The following CNTNAP2 variants were observed in gnomAD, a reference collection of about 807,000 sequenced individuals.
CNTNAP2 encodes contactin-associated protein-like 2.
A neutral mutation model predicts 155.2 loss-of-function variants in CNTNAP2; 98 were observed. The ratio of observed to expected loss-of-function variants is 0.63; its 90% CI spans 0.54 to 0.75. CNTNAP2 has a LOEUF of 0.75. CNTNAP2 is among the 30% of genes least tolerant of loss of function. The pLI is 0.00. For synonymous variants in CNTNAP2, 651 were observed against 631.2 expected, an observed-to-expected ratio of 1.03 and a Z score of -0.47; for missense variants, 1,727 against 1,688.1, an observed-to-expected ratio of 1.02 and a Z score of -0.40.
At chr7:147,431,628 C>T (rs1393137894) in intron 10 of CNTNAP2, among the ~76,000 whole-genome samples, 2 of 152,210 alleles carry the variant, frequency 1.3e-5, no homozygotes, top group Non-Finnish European at 2.9e-5. Flanking sequence ...ACAAAGGTCA[C>T]TAATGACCGC....
At chr7:146,968,537 G>C (rs1405021136) in intron 3 of CNTNAP2, among the ~76,000 whole-genome samples, 2 of 152,080 alleles carry the variant, frequency 1.3e-5, no homozygotes, top group Admixed American at 1.3e-4. Flanking sequence ...GATTAGTCTT[G>C]GGAGGGTGTA....
chr7:147,861,843 C>A (rs1485120796), intron 13 of CNTNAP2, among the ~76,000 whole-genome samples: 1 of 151,656 alleles, frequency 6.6e-6, no homozygotes, highest in Non-Finnish European at 1.5e-5. Context: ...TGGTAAAACC[C>A]CATGTCTAAT....
intron 10 of CNTNAP2, among the ~76,000 whole-genome samples, chr7:147,438,802 T>C (rs1257585184): frequency 5.3e-5 from 8 of 152,054 alleles, no homozygotes. Context: ...AATTTATTTG[T>C]GGTTCAATCT....
At chr7:146,418,305 C>G (rs1795965236) in intron 1 of CNTNAP2, among the ~76,000 whole-genome samples, 2 of 152,122 alleles carry the variant, frequency 1.3e-5, no homozygotes, top group Non-Finnish European at 2.9e-5. Context: ...CAGGGCACAT[C>G]CCAGCACCTA....
At chr7:148,088,745 A>G (rs1803784550) in intron 15 of CNTNAP2, among the ~76,000 whole-genome samples, 1 of 151,990 alleles carries the variant, frequency 6.6e-6, no homozygotes, top group Non-Finnish European at 1.5e-5. Context: ...AAAGGATAAA[A>G]TACCAATTTT....
At chr7:147,740,900 C>T (rs148248520) in intron 13 of CNTNAP2, among the ~76,000 whole-genome samples, 1,662 of 151,820 alleles carry the variant, frequency 0.011, 91 homozygotes, top group Admixed American at 0.087. Flanking sequence ...AAGCTCAGGG[C>T]GTAGATCTCA....
chr7:147,948,111 A>G (rs1011010205), intron 14 of CNTNAP2, among the ~76,000 whole-genome samples: 1 of 152,198 alleles, frequency 6.6e-6, no homozygotes, highest in Non-Finnish European at 1.5e-5. Context: ...GTCATGGCTT[A>G]TTCAGAACAC....
At chr7:147,518,207 C>T (rs1414203959) in intron 11 of CNTNAP2, among the ~76,000 whole-genome samples, 5 of 152,080 alleles carry the variant, frequency 3.3e-5, no homozygotes, top group East Asian at 1.9e-4. Context: ...AAGAAATGAA[C>T]ATACACTGAA....
chr7:148,365,750 A>G lies in CNTNAP2; in HGVS notation c.3476-17899A>G, dbSNP rs555735586. Reference sequence around the variant, plus strand: ...TATATATGTATGTGTATACATGTATACATGTATGTGTATACGTGTATACAT... The same window carrying G: ...TATATATGTATGTGTATACATGTATGCATGTATGTGTATACGTGTATACAT... On this transcript the variant is annotated intron_variant, in intron 21 of 23. Coordinates refer to ENST00000361727, the MANE Select transcript of CNTNAP2 (RefSeq NM_014141.6). 5.3e-3 allele frequency among the ~76,000 whole-genome samples: 258 copies of G among 49,034 alleles called. 56 individuals are homozygous for G. The highest frequency in any genetic ancestry group is 0.014 in the African/African-American group (250 of 18,102). The allele number at this position is 49,034 out of a possible 152,430, so 32.2% of individuals were successfully genotyped here.
chr7:148,095,411 A>G (rs1409056196), intron 15 of CNTNAP2, among the ~76,000 whole-genome samples: 1 of 152,230 alleles, frequency 6.6e-6, no homozygotes, highest in Non-Finnish European at 1.5e-5. Context: ...TACCCTTCAC[A>G]AAGTTCAAAA....
At chr7:147,018,777 T>C (rs2129245883) in intron 3 of CNTNAP2, among the ~76,000 whole-genome samples, 1 of 152,092 alleles carries the variant, frequency 6.6e-6, no homozygotes, top group East Asian at 1.9e-4. Context: ...AGCCGCTATG[T>C]TCTAAATGTT....
At chr7:147,128,656 A>G (rs201927719) in intron 6 of CNTNAP2, 37 bp from the exon 7 acceptor site, 2 of 1,612,848 alleles carry the variant, frequency 1.2e-6, no homozygotes, top group South Asian at 2.2e-5. Flanking sequence ...ATCATAATAC[A>G]ATGTGGACGT....
At chr7:147,343,842 G>T (rs917480507) in intron 9 of CNTNAP2, among the ~76,000 whole-genome samples, 3 of 151,846 alleles carry the variant, frequency 2.0e-5, no homozygotes, top group African/African-American at 7.3e-5. Flanking sequence ...CATAAATGGG[G>T]GCATCAAAAC....
chr7:146,227,782 C>T (rs951341366), intron 1 of CNTNAP2, among the ~76,000 whole-genome samples: 1 of 149,400 alleles, frequency 6.7e-6, no homozygotes, highest in African/African-American at 2.6e-5. Context: ...ACATTTTCAG[C>T]TGCATGTTAT....
At chr7:147,958,286 T>C (rs1801054287) in intron 14 of CNTNAP2, among the ~76,000 whole-genome samples, 1 of 152,188 alleles carries the variant, frequency 6.6e-6, no homozygotes, top group Non-Finnish European at 1.5e-5. Context: ...ACGTGAATAC[T>C]AGAGAAAAAA....
chr7:148,260,169 C>A (rs150968575), intron 20 of CNTNAP2, among the ~76,000 whole-genome samples: 7 of 152,180 alleles, frequency 4.6e-5, no homozygotes, highest in Non-Finnish European at 8.8e-5. Context: ...AAGCTTTTCT[C>A]GCTATATCTG....
At chr7:148,018,504 T>A (rs1246966036) in intron 15 of CNTNAP2, among the ~76,000 whole-genome samples, 1 of 152,140 alleles carries the variant, frequency 6.6e-6, no homozygotes, top group African/African-American at 2.4e-5. Flanking sequence ...ACTCACACAA[T>A]GAACCAGAAG....
intron 1 of CNTNAP2, among the ~76,000 whole-genome samples, chr7:146,199,616 G>A (rs555799987): frequency 2.5e-4 from 38 of 152,252 alleles, no homozygotes; most frequent in African/African-American, 8.7e-4. Flanking sequence ...GTATACAAAT[G>A]TTTCAGCTGT....
Position 147,312,949 on chromosome 7 carries a change from C to G in CNTNAP2, c.1498+12659C>G, listed in dbSNP as rs534312562. Among the ~76,000 whole-genome samples the G allele has an allele frequency of 6.1e-4, 84 of 137,528 alleles. 3 individuals carry two copies. The South Asian group carries it at 0.019, about 31-fold the overall frequency. 90.2% of individuals were successfully genotyped at this position (137,528 alleles called of 152,430 possible). A position where few individuals can be genotyped will look rare whatever the true frequency, so the allele number is the denominator to read the frequency against. On this transcript the variant is annotated intron_variant, in intron 9 of 23. Coordinates refer to ENST00000361727, the MANE Select transcript of CNTNAP2 (RefSeq NM_014141.6). Reference sequence around the variant, plus strand: ...TTGTTTCCTGAGTTTTTAATGATCGCCATTCTAACTGGTGTGAGATGGTAT... The same window carrying G: ...TTGTTTCCTGAGTTTTTAATGATCGGCATTCTAACTGGTGTGAGATGGTAT...
Sources: gnomAD v4.1 joint callset for allele counts (sites outside exome capture counted in the v4.1 genomes callset) on GRCh38, gnomAD v4.1.1 for gene constraint, MANE v1.5 for transcripts, NCBI Gene and HGNC (gene_info 2026-07-23, HGNC 2026-07-21) for gene names.